CCDC63: variants seen among roughly 807,000 people sequenced by gnomAD.
CCDC63 encodes the protein coiled-coil domain containing 63.
CCDC63 carries 54 observed loss-of-function variants against 63.6 expected under a neutral mutation model. The observed-to-expected ratio is 0.85, with a 90% CI of 0.68 to 1.07. The LOEUF (loss-of-function observed/expected upper bound fraction) is 1.07. Ranked by LOEUF, CCDC63 falls within the 50% of genes least tolerant of loss-of-function variation. CCDC63 has a pLI of 0.00. For synonymous variants in CCDC63, 253 were observed against 266.1 expected, an observed-to-expected ratio of 0.95 and a Z score of 0.48; for missense variants, 637 against 689.6, an observed-to-expected ratio of 0.92 and a Z score of 0.86.
intron 4 of CCDC63, among the ~76,000 whole-genome samples, chr12:110,863,148 TG>T (rs1007715920): frequency 6.6e-6 from 1 of 152,168 alleles, no homozygotes; most frequent in Non-Finnish European, 1.5e-5. Flanking sequence ...GGGTTTGCAC[TG>T]GGGGCGCTGC....
At chr12:110,867,868 A>T (rs79415537) in intron 4 of CCDC63, among the ~76,000 whole-genome samples, 3 of 131,188 alleles carry the variant, frequency 2.3e-5, no homozygotes, top group African/African-American at 2.8e-5. Flanking sequence ...GGTGGCTGCC[A>T]GGTGGAGACG....
At chr12:110,852,460 C>A (rs1203589623) in intron 1 of CCDC63, among the ~76,000 whole-genome samples, 2 of 152,072 alleles carry the variant, frequency 1.3e-5, no homozygotes, top group African/African-American at 4.8e-5. Context: ...CAGAGTTTCA[C>A]CATGTTGACC....
intron 10 of CCDC63, among the ~76,000 whole-genome samples, chr12:110,904,127 G>A (rs150159483): frequency 1.5e-3 from 235 of 152,164 alleles, no homozygotes; most frequent in African/African-American, 5.5e-3. Context: ...AGGCTGATGC[G>A]GAAGGATCAC....
upstream of CCDC63, chr12:110,845,926 C>T (rs757307896): frequency 4.4e-4 from 60 of 135,590 alleles, no homozygotes; most frequent in Non-Finnish European, 7.3e-4. Context: ...GCCACCATGC[C>T]GGGCTAAATT....
At chr12:110,875,183 G>A (rs1362539406) in intron 5 of CCDC63, among the ~76,000 whole-genome samples, 1 of 152,154 alleles carries the variant, frequency 6.6e-6, no homozygotes, top group Non-Finnish European at 1.5e-5. Flanking sequence ...CCAGTGATTT[G>A]CAACTGTGCC....
chr12:110,863,381 T>A (rs1035103488), intron 4 of CCDC63, among the ~76,000 whole-genome samples: 1 of 152,092 alleles, frequency 6.6e-6, no homozygotes, highest in Non-Finnish European at 1.5e-5. Flanking sequence ...CCTTGACACC[T>A]GATCATCCGA....
At chr12:110,860,504 C>T (rs936019882) in intron 4 of CCDC63, among the ~76,000 whole-genome samples, 34 of 152,368 alleles carry the variant, frequency 2.2e-4, no homozygotes, top group Middle Eastern at 3.4e-3. Context: ...AGTAGATCCT[C>T]AGTAAACATT....
intron 9 of CCDC63, 120 bp downstream of exon 9, chr12:110,893,270 G>A: frequency 1.3e-6 from 1 of 770,826 alleles, no homozygotes; most frequent in Non-Finnish European, 2.2e-6. Flanking sequence ...GGAGCAGTAA[G>A]AGGTCTGCCC....
At chr12:110,854,260 T>C (rs1305711533) in intron 3 of CCDC63, among the ~76,000 whole-genome samples, 4 of 149,974 alleles carry the variant, frequency 2.7e-5, no homozygotes, top group East Asian at 2.0e-4. Flanking sequence ...CTTTTCTTTT[T>C]TTTTTTTTTT....
At chr12:110,880,547 G>T (rs66525670) in intron 6 of CCDC63, among the ~76,000 whole-genome samples, 1 of 151,654 alleles carries the variant, frequency 6.6e-6, no homozygotes, top group Non-Finnish European at 1.5e-5. Context: ...AGTCAGATCT[G>T]GGTTTAAATC....
chr12:110,859,367 T>C (rs754148041), intron 4 of CCDC63, among the ~76,000 whole-genome samples: 4 of 151,980 alleles, frequency 2.6e-5, no homozygotes, highest in Non-Finnish European at 4.4e-5. Context: ...AATGCAGTGG[T>C]GCAATCTTGG....
At chr12:110,849,093 A>G (rs1242972925) in intron 1 of CCDC63, among the ~76,000 whole-genome samples, 2 of 152,214 alleles carry the variant, frequency 1.3e-5, no homozygotes, top group Non-Finnish European at 2.9e-5. Context: ...TTGGCCCCCA[A>G]ACCCTCAAAA....
At chr12:110,878,154 A>C (rs2071155573) in intron 5 of CCDC63, among the ~76,000 whole-genome samples, 1 of 152,148 alleles carries the variant, frequency 6.6e-6, no homozygotes, top group South Asian at 2.1e-4. Context: ...AGGCTCAGTA[A>C]TATTTTATTG....
At chr12:110,846,298 CTTAG>C (rs1322071834), upstream of CCDC63, among the ~76,000 whole-genome samples, 1 of 152,142 alleles carries the variant, frequency 6.6e-6, no homozygotes, top group Non-Finnish European at 1.5e-5. Flanking sequence ...GTTTCTAGAG[CTTAG>C]CCCCAGAGAA....
intron 4 of CCDC63, among the ~76,000 whole-genome samples, chr12:110,863,568 T>C (rs1490734728): frequency 6.7e-6 from 1 of 149,948 alleles, no homozygotes; most frequent in Admixed American, 6.7e-5. Context: ...TGAGACAGAA[T>C]CTTGCTCCGT....
At chr12:110,852,811 C>T (rs2070720641) in intron 1 of CCDC63, 48 bp from the exon 2 acceptor site, 5 of 1,297,806 alleles carry the variant, frequency 3.9e-6, no homozygotes, top group Non-Finnish European at 5.6e-6. Context: ...ACCTGCACCC[C>T]CAGCAGGGGT....
At chr12:110,866,271 T>C (rs1743133443) in intron 4 of CCDC63, among the ~76,000 whole-genome samples, 2 of 150,890 alleles carry the variant, frequency 1.3e-5, no homozygotes, top group Non-Finnish European at 2.9e-5. Context: ...AGCAACTTTT[T>C]ATGAGAAAAA....
At chr12:110,876,023 T>C (rs1037298206) in intron 5 of CCDC63, among the ~76,000 whole-genome samples, 4 of 151,530 alleles carry the variant, frequency 2.6e-5, no homozygotes, top group Non-Finnish European at 4.4e-5. Flanking sequence ...GGAGAATTGC[T>C]TGAATCTAGG....
At chr12:110,901,646 G>A (rs1183985256) in intron 10 of CCDC63, among the ~76,000 whole-genome samples, 4 of 151,958 alleles carry the variant, frequency 2.6e-5, no homozygotes, top group Non-Finnish European at 5.9e-5. Flanking sequence ...TGTGTTCATT[G>A]TTTTTCATCC....
Sources: allele counts gnomAD v4.1 joint callset (sites outside exome capture counted in the v4.1 genomes callset), GRCh38; gene constraint gnomAD v4.1.1; transcripts MANE v1.5; gene names NCBI Gene and HGNC (gene_info 2026-07-23, HGNC 2026-07-21).